Variants in KMT2A observed in about 807,000 individuals in gnomAD.
The protein encoded by KMT2A is lysine methyltransferase 2A.
Under a neutral mutation model 345.3 loss-of-function variants are expected in KMT2A, and 16 were observed. The observed-to-expected ratio is 0.05, with a 90% CI of 0.03 to 0.07. The LOEUF is 0.07. KMT2A is among the 10% of genes least tolerant of loss of function. KMT2A has a pLI of 1.00. For missense variants in KMT2A, 3,272 were observed against 4,841.6 expected, an observed-to-expected ratio of 0.68 and a Z score of 9.62; for synonymous variants, 1,599 against 1,778.6, an observed-to-expected ratio of 0.90 and a Z score of 2.54.
Position 118,521,225 on chromosome 11 carries a change from T to C in KMT2A, c.11514-63T>C, listed in dbSNP as rs1950961425. On this transcript the variant is annotated intron_variant, in intron 34 of 35. Coordinates refer to ENST00000534358, the MANE Select transcript of KMT2A (RefSeq NM_001197104.2). This position sits in a 1 kb window ranked among gnomAD's most constrained non-coding sequence, Gnocchi z 5.3. ...AACAGACCAGGAGAACTTATTCATG[T>C]ATTCACGCACTTAACCTTACTTGCA... The C allele has an allele frequency of 6.5e-7, 1 of 1,550,046 alleles. No individual in the cohort carries two copies.
chr11:118,468,894 AT>A, intron 2 of KMT2A, 50 bp downstream of exon 2: 4 of 1,461,284 alleles, frequency 2.7e-6, no homozygotes, highest in Non-Finnish European at 3.8e-6. Flanking sequence ...TTGTTAGGAG[AT>A]TGTGGCTTCC....
chr11:118,525,242 G>A lies in KMT2A; in HGVS notation c.*3070G>A, dbSNP rs1951056749. 2 of 231,462 alleles carry A rather than the reference G, an allele frequency of 8.6e-6. No homozygotes were observed. The highest frequency in any genetic ancestry group is 1.2e-4 in the East Asian group (2 of 16,396). The allele number at this position is 231,462 out of a possible 1,614,324, so 14.3% of individuals were successfully genotyped here. On this transcript the variant is annotated 3_prime_UTR_variant, in exon 36 of 36. Coordinates refer to ENST00000534358, the MANE Select transcript of KMT2A (RefSeq NM_001197104.2). Reference sequence around the variant, plus strand: ...CCCAAGGGGCATCCCAAATCCCTGAGGAGTAACAGCTGCAAACCTGGTCAG... The same window carrying A: ...CCCAAGGGGCATCCCAAATCCCTGAAGAGTAACAGCTGCAAACCTGGTCAG...
At position 118,481,910 on chromosome 11, in the gene KMT2A, C is replaced by T. The variant is rs782070742; in HGVS notation, c.3830C>T (p.Ser1277Leu). The stretch of plus-strand genomic sequence containing the variant: ...GAAAAGAGTGAAGAAGGGAATGTCT[C>T]GGCCCCTGGGCCTGAATCCAAACAG... Reference protein sequence around the residue: ...VEEKSEEGNVSAPGPESKQAT... With the variant: ...VEEKSEEGNVLAPGPESKQAT... Residue 1277 changes from serine to leucine, a missense_variant, in exon 7 of 36, where the codon TCG becomes TTG. By Grantham distance (145) the Ser-to-Leu change is moderately radical (BLOSUM62 -2). Coordinates refer to ENST00000534358, the MANE Select transcript of KMT2A (RefSeq NM_001197104.2). 2.8e-5 allele frequency: 46 copies of T among 1,614,098 alleles called. No homozygotes were observed. Among genetic ancestry groups the T allele is most frequent in the Middle Eastern group, 3.3e-4 (2 of 6,084 alleles).
chr11:118,484,276 C>T lies in KMT2A; in HGVS notation c.4180C>T (p.Pro1394Ser). 2 of 1,614,002 alleles carry T rather than the reference C, an allele frequency of 1.2e-6. No individual in the cohort carries two copies. Among genetic ancestry groups the T allele is most frequent in the Non-Finnish European group, 8.5e-7 (1 of 1,179,984 alleles). Residue 1394 changes from proline (P) to serine (S), a missense_variant, in exon 9 of 36, where the codon CCA becomes TCA. Coordinates refer to ENST00000534358, the MANE Select transcript of KMT2A (RefSeq NM_001197104.2). The surrounding 1 kb of genome is among the most constrained non-coding windows in gnomAD (Gnocchi z 4.1). ...SNGNSSKQKIPADGVHRIRVD... is the reference protein window; with the variant it reads ...SNGNSSKQKISADGVHRIRVD... ...TGGCAATAGTTCTAAGCAAAAAATT[C>T]CAGCAGATGGAGTCCACAGGATCAG...
rs1555043938 is a variant in KMT2A, at chr11:118,496,322, T to C, written c.5619T>C (p.Asn1873=). ...ACCCACCCCCAGGCATAGAAGACAA[T>C]AGACAGTGTGCGTTATGTTTGACTT... ...ELNPPPGIED[N]RQCALCLTYG... The change falls in exon 20 of 36, where the codon AAT becomes AAC. Residue 1873 remains asparagine (N), a synonymous_variant. Transcript: ENST00000534358. This position sits in a 1 kb window ranked among gnomAD's most constrained non-coding sequence, Gnocchi z 4.7. 1 of 1,613,744 alleles carries C rather than the reference T, an allele frequency of 6.2e-7. No individual in the cohort carries two copies. Among genetic ancestry groups the C allele is most frequent in the Non-Finnish European group, 8.5e-7 (1 of 1,179,774 alleles).
chr11:118,468,438 A>C (rs782448566), intron 1 of KMT2A, among the ~76,000 whole-genome samples: 3 of 152,136 alleles, frequency 2.0e-5, no homozygotes, highest in Non-Finnish European at 4.4e-5. Context: ...CTGCCATTAT[A>C]CTTATTTGCT....
rs1555037564 is a variant in KMT2A at position 118,476,628 on chromosome 11, A to G, written c.3157-177A>G. Among the ~76,000 whole-genome samples the G allele has an allele frequency of 6.6e-6, 1 of 152,104 alleles. No individual in the cohort carries two copies. The highest frequency in any genetic ancestry group is 2.4e-5 in the African/African-American group (1 of 41,406). On this transcript the variant is annotated intron_variant, in intron 3 of 35. Coordinates refer to ENST00000534358, the MANE Select transcript of KMT2A (RefSeq NM_001197104.2). This position sits in a 1 kb window ranked among gnomAD's most constrained non-coding sequence, Gnocchi z 4.1. Reference sequence around the variant, plus strand: ...ATTAGAGGCCTTTTTTTGTGCTGCCAATTAGGATACAGTAATAGTTGATTT... The same window carrying G: ...ATTAGAGGCCTTTTTTTGTGCTGCCGATTAGGATACAGTAATAGTTGATTT...
In KMT2A at chr11:118,480,174, G is replaced by A. The variant is rs782581690; in HGVS notation, c.3570G>A (p.Lys1190=). The A allele has an allele frequency of 6.2e-7, 1 of 1,611,326 alleles. No homozygotes were observed. Among genetic ancestry groups the A allele is most frequent in the Non-Finnish European group, 8.5e-7 (1 of 1,177,686 alleles). The change falls in exon 6 of 36, where the codon AAG becomes AAA. Residue 1190 remains lysine, a splice_region_variant and synonymous_variant. Transcript: ENST00000534358. ...CATGGTTTATTCGTTGTTTTCCTAG[G>A]ATGAGAAAATGTCAGAATCTACAAT... The part of the protein sequence containing the change: ...GGRNIKKQCC[K]MRKCQNLQWM...
rs1271030931 is a variant in KMT2A, at chr11:118,484,714, T to C, written c.4219-148T>C. The C allele has an allele frequency of 1.5e-5, 10 of 652,166 alleles. No homozygotes were observed. In the East Asian group the frequency reaches 2.7e-4, roughly 18 times the overall value. 40.4% of individuals were successfully genotyped at this position (652,166 alleles called of 1,614,324 possible). ...AATAGTCCGTGTCTGAGATTAAAAC[T>C]TTTTAAAGCAGCAGTTATTTTTGGA... On this transcript the variant is annotated intron_variant, in intron 9 of 35. Coordinates refer to ENST00000534358, the MANE Select transcript of KMT2A (RefSeq NM_001197104.2). This position sits in a 1 kb window ranked among gnomAD's most constrained non-coding sequence, Gnocchi z 4.1.
rs1949969965 is a variant in KMT2A, at chr11:118,472,960, A to G, written c.1801A>G (p.Thr601Ala). 2.5e-6 allele frequency: 4 copies of G among 1,614,050 alleles called. No homozygotes were observed. The highest frequency in any genetic ancestry group is 1.3e-5 in the African/African-American group (1 of 74,912). Residue 601 changes from threonine (T) to alanine (A), a missense_variant, in exon 3 of 36, where the codon ACT becomes GCT. By Grantham distance (58) the Thr-to-Ala change is moderately conservative. Transcript: ENST00000534358. Reference protein sequence around the residue: ...PLASPFLPASTAPMQGKRKSI... With the variant: ...PLASPFLPASAAPMQGKRKSI... Reference sequence around the variant, plus strand: ...AGCATCACCATTTTTGCCTGCTTCCACTGCTCCTATGCAAGGGAAGCGAAA... The same window carrying G: ...AGCATCACCATTTTTGCCTGCTTCCGCTGCTCCTATGCAAGGGAAGCGAAA...
chr11:118,521,626 TGA>T lies in KMT2A; in HGVS notation c.11643+211_11643+212del, dbSNP rs1950971152. On this transcript the variant is annotated intron_variant, in intron 35 of 35. Coordinates refer to ENST00000534358, the MANE Select transcript of KMT2A (RefSeq NM_001197104.2). The surrounding 1 kb of genome is among the most constrained non-coding windows in gnomAD (Gnocchi z 5.3). ...GAAAGTTGCTCTTAGAAGGTTTGTC[TGA>T]GTGGCTCCTAGTATCAGAAGCAAAT... is the stretch of plus-strand genomic sequence containing the variant. Among the ~76,000 whole-genome samples, 1 of 152,230 alleles carries T rather than the reference TGA, an allele frequency of 6.6e-6. No homozygotes were observed. Among genetic ancestry groups the T allele is most frequent in the African/African-American group, 2.4e-5 (1 of 41,474 alleles).
At chr11:118,480,067 T>C (rs1950104581) in intron 5 of KMT2A, 107 bp from the exon 6 acceptor site, 1 of 836,124 alleles carries the variant, frequency 1.2e-6, no homozygotes, top group African/African-American at 1.7e-5. Flanking sequence ...TATAAAAATG[T>C]GAACCTGAAT....
Position 118,495,048 on chromosome 11 carries a change from T to C in KMT2A, c.5363+281T>C, listed in dbSNP as rs1029361173. 2.0e-5 allele frequency among the ~76,000 whole-genome samples: 3 copies of C among 152,240 alleles called. No individual in the cohort carries two copies. Among genetic ancestry groups the C allele is most frequent in the Non-Finnish European group, 2.9e-5 (2 of 68,048 alleles). ...GCCATGTAGCTGGCCTTGTTATAAA[T>C]GGGTTCTGTTTGACTGATAGTTCAA... On this transcript the variant is annotated intron_variant, in intron 18 of 35. Coordinates refer to ENST00000534358, the MANE Select transcript of KMT2A (RefSeq NM_001197104.2). The surrounding 1 kb of genome is among the most constrained non-coding windows in gnomAD (Gnocchi z 4.1).
intron 28 of KMT2A, 63 bp downstream of exon 28, chr11:118,507,672 T>C (rs369766899): frequency 2.1e-6 from 3 of 1,408,114 alleles, no homozygotes; most frequent in African/African-American, 1.4e-5. Context: ...ATTTAAAAAA[T>C]AGTTCTTCCA....
rs1204776106 is a variant in KMT2A, at chr11:118,495,164, ATTTTT to A, written c.5363+406_5363+410del. On this transcript the variant is annotated intron_variant, in intron 18 of 35. Coordinates refer to ENST00000534358, the MANE Select transcript of KMT2A (RefSeq NM_001197104.2). The surrounding 1 kb of genome is among the most constrained non-coding windows in gnomAD (Gnocchi z 4.1). The stretch of plus-strand genomic sequence containing the variant: ...TTGATTTGATTTTATTTATTTATTT[ATTTTT>A]TTTTTTTTGAGACGGAGTCTCGTTC... 7.1e-6 allele frequency among the ~76,000 whole-genome samples: 1 copy of A among 141,010 alleles called. No individual in the cohort carries two copies. The highest frequency in any genetic ancestry group is 2.2e-4 in the South Asian group (1 of 4,528). 92.5% of individuals were successfully genotyped at this position (141,010 alleles called of 152,430 possible). A position where few individuals can be genotyped will look rare whatever the true frequency, so the allele number is the denominator to read the frequency against.
chr11:118,483,594 C>A (rs782110855), intron 8 of KMT2A, among the ~76,000 whole-genome samples: 9 of 152,070 alleles, frequency 5.9e-5, no homozygotes, highest in Non-Finnish European at 1.3e-4. Flanking sequence ...TGTTGCTTTT[C>A]CCTTCTTTGT....
chr11:118,465,580 GT>G (rs1405649431), intron 1 of KMT2A, among the ~76,000 whole-genome samples: 1 of 152,132 alleles, frequency 6.6e-6, no homozygotes, highest in African/African-American at 2.4e-5. Context: ...CAGTAAGTGA[GT>G]TGTCTAAGAT....
Position 118,497,774 on chromosome 11 carries a change from CAG to C in KMT2A, c.5665-159_5665-158del, listed in dbSNP as rs1555044421. Among the ~76,000 whole-genome samples the C allele has an allele frequency of 1.3e-5, 2 of 152,168 alleles. No individual in the cohort carries two copies. The highest frequency in any genetic ancestry group is 2.9e-5 in the Non-Finnish European group (2 of 68,030). ...AATCTTGAAAAGAAGGAAGTGGAAA[CAG>C]AGCAACGTTGCAAAAAGAATTCTGA... On this transcript the variant is annotated intron_variant, in intron 20 of 35. Transcript: ENST00000534358. The surrounding 1 kb of genome is among the most constrained non-coding windows in gnomAD (Gnocchi z 4.8).
intron 23 of KMT2A, 72 bp from the exon 24 acceptor site, chr11:118,499,763 G>C: frequency 8.6e-7 from 1 of 1,165,234 alleles, no homozygotes; most frequent in Non-Finnish European, 1.3e-6. Flanking sequence ...CTGGGCGACA[G>C]AGTGAGACTC....
Sources: gnomAD v4.1 joint callset for allele counts (sites outside exome capture counted in the v4.1 genomes callset) on GRCh38, gnomAD v4.1.1 for gene constraint, Gnocchi (gnomAD v3.1) non-coding constraint, MANE v1.5 for transcripts, NCBI Gene and HGNC (gene_info 2026-07-23, HGNC 2026-07-21) for gene names.